The following CARMIL1 variants were observed in gnomAD, a reference collection of about 807,000 sequenced individuals.
CARMIL1 encodes the protein F-actin-uncapping protein LRRC16A.
In CARMIL1, 90 loss-of-function variants were observed where a neutral mutation model predicts 177.1. The ratio of observed to expected loss-of-function variants is 0.51; its 90% CI spans 0.43 to 0.61. The LOEUF (loss-of-function observed/expected upper bound fraction) is 0.61. CARMIL1 is among the 20% of genes least tolerant of loss of function. The pLI is 0.00. For synonymous variants in CARMIL1, 577 were observed against 606.2 expected, an observed-to-expected ratio of 0.95 and a Z score of 0.71; for missense variants, 1,380 against 1,667.0, an observed-to-expected ratio of 0.83 and a Z score of 3.00.
At position 25,544,606 on chromosome 6, in the gene CARMIL1, TACACACAC is replaced by T. The variant is rs3034120; in HGVS notation, c.2328+4561_2328+4568del. Among the ~76,000 whole-genome samples, 402 of 142,478 alleles carry T rather than the reference TACACACAC, an allele frequency of 2.8e-3. 5 individuals carry two copies. The highest frequency in any genetic ancestry group is 0.022 in the South Asian group (97 of 4,412). 93.5% of individuals were successfully genotyped at this position (142,478 alleles called of 152,430 possible). ...CTGAGATCATTTACTGTTACTAGACTACACACACACACACACACACACACACACACACA... is the reference window on the plus strand; with the variant it reads ...CTGAGATCATTTACTGTTACTAGACTACACACACACACACACACACACACA... On this transcript the variant is annotated intron_variant, in intron 26 of 36. Transcript: ENST00000329474.
intron 36 of CARMIL1, 90 bp downstream of exon 36, chr6:25,610,271 A>C: frequency 7.1e-7 from 1 of 1,404,458 alleles, no homozygotes; most frequent in Non-Finnish European, 9.4e-7. Flanking sequence ...GACTTTACTA[A>C]TATCTTAGAG....
Position 25,600,381 on chromosome 6 carries a change from G to A in CARMIL1, c.3187G>A (p.Asp1063Asn). 2 of 1,613,994 alleles carry A rather than the reference G, an allele frequency of 1.2e-6. No individual in the cohort carries two copies. The highest frequency in any genetic ancestry group is 1.7e-6 in the Non-Finnish European group (2 of 1,179,892). The part of the protein sequence containing the change: ...NEGGDEKKKR[D>N]SRKSSGFLNL... The stretch of plus-strand genomic sequence containing the variant: ...AGGAGGAGATGAAAAGAAAAAGCGA[G>A]ATTCTCGGAAAAGTAGTGGCTTTCT... Residue 1063 changes from aspartate to asparagine, a missense_variant, in exon 33 of 37, where the codon GAT becomes AAT. Transcript: ENST00000329474.
rs139214310 is a variant in CARMIL1, at chr6:25,375,833, G to T, written c.139-44281G>T. On this transcript the variant is annotated intron_variant, in intron 2 of 36. Coordinates refer to ENST00000329474, the MANE Select transcript of CARMIL1 (RefSeq NM_017640.6). ...TGTATCTTTAATTTCCAGAAGTTCG[G>T]ATTGGTTTTTCTTCAGAATATCTGT... Among the ~76,000 whole-genome samples, 1,156 of 152,200 alleles carry T rather than the reference G, an allele frequency of 7.6e-3. 12 individuals are homozygous for T. The highest frequency in any genetic ancestry group is 0.026 in the African/African-American group (1,077 of 41,520).
intron 11 of CARMIL1, among the ~76,000 whole-genome samples, chr6:25,475,371 A>G: frequency 2.0e-5 from 3 of 151,634 alleles, no homozygotes; most frequent in Non-Finnish European, 4.4e-5. Flanking sequence ...ACTGCATTCT[A>G]GCCTGGGTGA....
At chr6:25,347,498 A>G (rs761832382) in intron 2 of CARMIL1, among the ~76,000 whole-genome samples, 48 of 152,334 alleles carry the variant, frequency 3.2e-4, no homozygotes, top group Middle Eastern at 6.8e-3. Flanking sequence ...ATTCAGAGCA[A>G]TTCATATTTC....
chr6:25,341,957 C>T (rs186944648), intron 2 of CARMIL1, among the ~76,000 whole-genome samples: 10 of 152,204 alleles, frequency 6.6e-5, no homozygotes, highest in Admixed American at 1.3e-4. Context: ...CACTTTGGTG[C>T]GGAAAAGTTT....
At chr6:25,490,880 A>T (rs547328635) in intron 13 of CARMIL1, among the ~76,000 whole-genome samples, 1 of 152,218 alleles carries the variant, frequency 6.6e-6, no homozygotes, top group Non-Finnish European at 1.5e-5. Flanking sequence ...ACTGCTACAC[A>T]TAGTAAATGT....
At chr6:25,318,815 C>G (rs1179536417) in intron 2 of CARMIL1, among the ~76,000 whole-genome samples, 2 of 152,072 alleles carry the variant, frequency 1.3e-5, no homozygotes. Context: ...TCGGCCCAGC[C>G]CCATCTCCTC....
intron 2 of CARMIL1, among the ~76,000 whole-genome samples, chr6:25,384,119 G>C (rs374654808): frequency 1.4e-4 from 21 of 152,300 alleles, no homozygotes; most frequent in African/African-American, 5.1e-4. Flanking sequence ...GATTACAGGC[G>C]TGAGCCACCG....
intron 2 of CARMIL1, among the ~76,000 whole-genome samples, chr6:25,363,412 C>G (rs1365637761): frequency 1.3e-5 from 2 of 151,982 alleles, no homozygotes; most frequent in Non-Finnish European, 2.9e-5. Flanking sequence ...TTTCCTCTCT[C>G]TCTTTTAGAG....
intron 17 of CARMIL1, among the ~76,000 whole-genome samples, chr6:25,502,446 T>C (rs1804483570): frequency 6.6e-6 from 1 of 151,618 alleles, no homozygotes; most frequent in Non-Finnish European, 1.5e-5. Flanking sequence ...TCCCAGCTAC[T>C]TGGGAGGCTG....
intron 2 of CARMIL1, among the ~76,000 whole-genome samples, chr6:25,384,058 C>T (rs750270750): frequency 5.9e-5 from 9 of 152,148 alleles, no homozygotes; most frequent in Non-Finnish European, 1.2e-4. Context: ...AGGCAGGTCT[C>T]GAACTCCTGA....
intron 26 of CARMIL1, among the ~76,000 whole-genome samples, chr6:25,544,606 T>TACACACACACACAC (rs3034120): frequency 4.9e-5 from 7 of 142,416 alleles, no homozygotes; most frequent in Admixed American, 1.4e-4. Context: ...GTTACTAGAC[T>TACACACACACACAC]ACACACACAC....
intron 11 of CARMIL1, among the ~76,000 whole-genome samples, chr6:25,473,768 G>T (rs372310272): frequency 6.6e-6 from 1 of 152,234 alleles, no homozygotes; most frequent in South Asian, 2.1e-4. Context: ...ACACCCGGGG[G>T]TGAGAATCTT....
intron 29 of CARMIL1, among the ~76,000 whole-genome samples, chr6:25,559,059 C>T (rs373787499): frequency 1.2e-4 from 18 of 152,140 alleles, no homozygotes; most frequent in African/African-American, 3.1e-4. Flanking sequence ...ATAATAATTT[C>T]GTGTATACTT....
chr6:25,459,532 G>A (rs532727271), intron 8 of CARMIL1, among the ~76,000 whole-genome samples: 3 of 151,822 alleles, frequency 2.0e-5, no homozygotes, highest in Non-Finnish European at 4.4e-5. Flanking sequence ...GATTACAGGT[G>A]TGAGTCACCA....
At position 25,509,335 on chromosome 6, in the gene CARMIL1, G is replaced by T. The variant is rs755087843; in HGVS notation, c.1396-321G>T. Among the ~76,000 whole-genome samples the T allele has an allele frequency of 2.2e-4, 33 of 152,156 alleles. No homozygotes were observed. The highest frequency in any genetic ancestry group is 4.6e-4 in the Non-Finnish European group (31 of 68,020). On this transcript the variant is annotated intron_variant, in intron 17 of 36. Coordinates refer to ENST00000329474, the MANE Select transcript of CARMIL1 (RefSeq NM_017640.6). The surrounding 1 kb of genome is among the most constrained non-coding windows in gnomAD (Gnocchi z 4.1). ...GAATTTATTAAATTTCCAAAAGTCAGAAATGAAGAAATTCTTCTGGGTTGA... is the reference window on the plus strand; with the variant it reads ...GAATTTATTAAATTTCCAAAAGTCATAAATGAAGAAATTCTTCTGGGTTGA...
At chr6:25,403,566 C>T (rs1794076779) in intron 2 of CARMIL1, among the ~76,000 whole-genome samples, 1 of 152,172 alleles carries the variant, frequency 6.6e-6, no homozygotes, top group African/African-American at 2.4e-5. Context: ...AGCCAAGGCT[C>T]TTCTTTATTT....
Position 25,542,669 on chromosome 6 carries a change from C to G in CARMIL1, c.2328+2591C>G, listed in dbSNP as rs147056892. ...AATCAGAGAAAATCCTCAACTAAAACGTCTTAATTAAATGTATTTTAAAAT... is the reference window on the plus strand; with the variant it reads ...AATCAGAGAAAATCCTCAACTAAAAGGTCTTAATTAAATGTATTTTAAAAT... On this transcript the variant is annotated intron_variant, in intron 26 of 36. Transcript: ENST00000329474. 3.9e-3 allele frequency among the ~76,000 whole-genome samples: 588 copies of G among 152,158 alleles called. 2 individuals are homozygous for G. The highest frequency in any genetic ancestry group is 5.6e-3 in the Non-Finnish European group (380 of 67,972).
Sources: allele counts gnomAD v4.1 joint callset (sites outside exome capture counted in the v4.1 genomes callset), GRCh38; gene constraint gnomAD v4.1.1; non-coding constraint Gnocchi (gnomAD v3.1); transcripts MANE v1.5; gene names NCBI Gene and HGNC (gene_info 2026-07-23, HGNC 2026-07-21).